The following TMEM217B variants were observed in gnomAD, a reference collection of about 807,000 sequenced individuals.
The protein encoded by TMEM217B is transmembrane protein 217B.
chr6:37,253,435 C>T, the TMEM217B span, among the ~76,000 whole-genome samples: 3 of 152,158 alleles, frequency 2.0e-5, no homozygotes, highest in African/African-American at 7.2e-5. Flanking sequence ...ACTTTCTCTT[C>T]CTCTCTTTAT....
chr6:37,216,254 G>C, the TMEM217B span, among the ~76,000 whole-genome samples: 1 of 151,872 alleles, frequency 6.6e-6, no homozygotes, highest in Non-Finnish European at 1.5e-5. Context: ...AATTTTGGTA[G>C]TTTTAGTAGA....
At chr6:37,227,435 G>A in the TMEM217B span, among the ~76,000 whole-genome samples, 7 of 151,958 alleles carry the variant, frequency 4.6e-5, no homozygotes, top group African/African-American at 9.7e-5. Context: ...TGCTCTAAGC[G>A]AAGGTTTTTT....
chr6:37,245,418 G>GCTGCTT, the TMEM217B span, among the ~76,000 whole-genome samples: 1 of 152,250 alleles, frequency 6.6e-6, no homozygotes, highest in Non-Finnish European at 1.5e-5. Flanking sequence ...TGGATTCTGT[G>GCTGCTT]CTGCTTCTGC....
the TMEM217B span, among the ~76,000 whole-genome samples, chr6:37,232,669 T>A: frequency 6.6e-6 from 1 of 152,210 alleles, no homozygotes; most frequent in Non-Finnish European, 1.5e-5. Flanking sequence ...TTTCCACATA[T>A]ACACTCCCTT....
chr6:37,250,750 A>C, the TMEM217B span, among the ~76,000 whole-genome samples: 1 of 152,206 alleles, frequency 6.6e-6, no homozygotes, highest in African/African-American at 2.4e-5. Context: ...AGCTGGGAAA[A>C]ATTTTTGCTA....
chr6:37,257,835 T>C, the TMEM217B span: 3 of 1,502,174 alleles, frequency 2.0e-6, no homozygotes, highest in African/African-American at 2.8e-5. Flanking sequence ...GCGGCCTGGG[T>C]TGGCCCTCAG....
the TMEM217B span, among the ~76,000 whole-genome samples, chr6:37,245,060 G>T: frequency 6.6e-6 from 1 of 152,216 alleles, no homozygotes; most frequent in African/African-American, 2.4e-5. Flanking sequence ...TGCAAGCCAT[G>T]GCTTGGGTAA....
At chr6:37,223,522 T>G in the TMEM217B span, among the ~76,000 whole-genome samples, 1 of 152,246 alleles carries the variant, frequency 6.6e-6, no homozygotes, top group African/African-American at 2.4e-5. Context: ...TATTTTTCTT[T>G]TTTTGAGACA....
chr6:37,257,821 G>C, the TMEM217B span: 1 of 1,390,622 alleles, frequency 7.2e-7, no homozygotes, highest in East Asian at 2.5e-5. Context: ...CCGGCGGCGG[G>C]GAAGCGGCCT....
the TMEM217B span, among the ~76,000 whole-genome samples, chr6:37,216,365 C>T: frequency 6.6e-6 from 1 of 152,138 alleles, no homozygotes; most frequent in Admixed American, 6.5e-5. Context: ...AGACGTGAGC[C>T]CCTGCGCCTG....
the TMEM217B span, among the ~76,000 whole-genome samples, chr6:37,226,056 C>T: frequency 6.6e-6 from 1 of 152,088 alleles, no homozygotes; most frequent in Non-Finnish European, 1.5e-5. Context: ...ACCTAAACTT[C>T]TTTATTGACG....
chr6:37,224,826 C>T, the TMEM217B span, among the ~76,000 whole-genome samples: 1 of 151,890 alleles, frequency 6.6e-6, no homozygotes, highest in African/African-American at 2.4e-5. Flanking sequence ...CAAAACCAAG[C>T]AAAATTTAAG....
chr6:37,232,408 C>T, the TMEM217B span, among the ~76,000 whole-genome samples: 9 of 151,902 alleles, frequency 5.9e-5, no homozygotes, highest in Non-Finnish European at 1.0e-4. Context: ...TTTTTTGAGA[C>T]GGAGTCTCGC....
At chr6:37,237,563 A>G in the TMEM217B span, among the ~76,000 whole-genome samples, 1 of 152,236 alleles carries the variant, frequency 6.6e-6, no homozygotes, top group African/African-American at 2.4e-5. Context: ...CAAAGCTTGA[A>G]TGTAACAGAA....
chr6:37,226,855 G>A, the TMEM217B span, among the ~76,000 whole-genome samples: 3 of 151,992 alleles, frequency 2.0e-5, no homozygotes, highest in Non-Finnish European at 2.9e-5. Flanking sequence ...TGTGAGCCAC[G>A]GCACCCAGCC....
chr6:37,236,276 CT>C, the TMEM217B span, among the ~76,000 whole-genome samples: 1 of 152,200 alleles, frequency 6.6e-6, no homozygotes, highest in African/African-American at 2.4e-5. Context: ...GCATGAGCCA[CT>C]GTGCCTGGCC....
the TMEM217B span, chr6:37,217,919 GT>G: frequency 1.0e-5 from 10 of 986,046 alleles, no homozygotes; most frequent in Non-Finnish European, 1.2e-5. Context: ...GTTCACAGAA[GT>G]TTTGATAAAT....
chr6:37,256,984 A>G, the TMEM217B span, among the ~76,000 whole-genome samples: 11 of 152,370 alleles, frequency 7.2e-5, 1 homozygote, highest in East Asian at 1.5e-3. Flanking sequence ...GATTTATAAT[A>G]GATTAACAAG....
the TMEM217B span, among the ~76,000 whole-genome samples, chr6:37,246,623 C>T: frequency 6.6e-6 from 1 of 152,158 alleles, no homozygotes; most frequent in African/African-American, 2.4e-5. Flanking sequence ...ATTTCTCAGG[C>T]TGGGCATGGT....
Sources: allele counts gnomAD v4.1 joint callset (sites outside exome capture counted in the v4.1 genomes callset), GRCh38; gene constraint gnomAD v4.1.1; transcripts MANE v1.5; gene names NCBI Gene and HGNC (gene_info 2026-07-23, HGNC 2026-07-21).